Variants in UNC5B observed in about 807,000 individuals in gnomAD.
The protein encoded by UNC5B is netrin receptor UNC5B.
In UNC5B, 56 loss-of-function variants were observed where a neutral mutation model predicts 103.7. That is an observed-to-expected ratio of 0.54 (90% CI 0.44 to 0.67). The LOEUF (loss-of-function observed/expected upper bound fraction) is 0.67, where lower values mean the gene tolerates loss of function less well. Ranked by LOEUF, UNC5B falls within the 30% of genes least tolerant of loss-of-function variation. UNC5B has a pLI of 0.00. For missense variants in UNC5B, 1,194 were observed against 1,284.5 expected (o/e 0.93, Z 1.08); for synonymous variants, 577 against 542.0 (o/e 1.06, Z -0.90).
intron 3 of UNC5B, 107 bp from the exon 4 acceptor site, chr10:71,285,216 CCAT>C (rs1049810356): frequency 1.8e-6 from 2 of 1,133,034 alleles, no homozygotes; most frequent in African/African-American, 1.5e-5. Context: ...CCAGGTGGGC[CCAT>C]CAACAGTACC....
intron 2 of UNC5B, among the ~76,000 whole-genome samples, chr10:71,281,530 TG>T (rs553019153): frequency 5.1e-4 from 78 of 152,220 alleles, no homozygotes; most frequent in African/African-American, 1.7e-3. Context: ...TTAGTAAAGT[TG>T]GGATTTCACC....
chr10:71,249,388 C>T (rs1844122172), intron 1 of UNC5B, among the ~76,000 whole-genome samples: 1 of 152,240 alleles, frequency 6.6e-6, no homozygotes. Flanking sequence ...GCTGCCCCAG[C>T]ACCAGCTTGC....
intron 6 of UNC5B, 73 bp downstream of exon 6, chr10:71,287,838 G>T (rs1030671900): frequency 7.1e-6 from 11 of 1,540,006 alleles, no homozygotes; most frequent in Non-Finnish European, 8.7e-6. Flanking sequence ...CCAGAGCCGG[G>T]ACAGCCATTC....
intron 1 of UNC5B, among the ~76,000 whole-genome samples, chr10:71,243,265 G>A (rs1407698644): frequency 1.3e-5 from 2 of 151,882 alleles, no homozygotes; most frequent in Non-Finnish European, 2.9e-5. Flanking sequence ...AGAGTCTGGG[G>A]GCTGCTTTAG....
chr10:71,289,356 C>A (rs946374526), intron 8 of UNC5B, among the ~76,000 whole-genome samples: 2 of 152,170 alleles, frequency 1.3e-5, no homozygotes, highest in African/African-American at 4.8e-5. Flanking sequence ...ATGCCCTTGG[C>A]CCTCCTCTCT....
chr10:71,273,551 C>T (rs1355681174), intron 1 of UNC5B, among the ~76,000 whole-genome samples: 1 of 152,222 alleles, frequency 6.6e-6, no homozygotes, highest in Non-Finnish European at 1.5e-5. Context: ...GTCATTCCTT[C>T]GCCTCCTGGG....
Position 71,231,157 on chromosome 10 carries a change from C to T in UNC5B, c.79+18093C>T, listed in dbSNP as rs1026720517. Among the ~76,000 whole-genome samples the T allele has an allele frequency of 3.9e-5, 6 of 152,200 alleles. No homozygotes were observed. The East Asian group carries it at 1.2e-3, about 29-fold the overall frequency. ...GCTGTGCATCGTAAAGTCCCCTTAGCCCAGCAGCCTATAGAATTTCCTGAG... is the reference window on the plus strand; with the variant it reads ...GCTGTGCATCGTAAAGTCCCCTTAGTCCAGCAGCCTATAGAATTTCCTGAG... On this transcript the variant is annotated intron_variant, in intron 1 of 16. Transcript: ENST00000335350.
chr10:71,214,583 A>G (rs1843295691), intron 1 of UNC5B, among the ~76,000 whole-genome samples: 1 of 151,850 alleles, frequency 6.6e-6, no homozygotes, highest in Non-Finnish European at 1.5e-5. Context: ...GTTTGAGGAG[A>G]TGATTGAAGG....
chr10:71,299,563 G>A lies in UNC5B; in HGVS notation c.*286G>A, dbSNP rs1255308953. The A allele has an allele frequency of 3.2e-6, 1 of 311,146 alleles. No individual in the cohort carries two copies. The highest frequency in any genetic ancestry group is 5.9e-6 in the Non-Finnish European group (1 of 168,978). The allele number at this position is 311,146 out of a possible 1,614,324, so 19.3% of individuals were successfully genotyped here. A position where few individuals can be genotyped will look rare whatever the true frequency, so the allele number is the denominator to read the frequency against. ...GGGCTGAAGCCTCTGGAGGCAGTTG[G>A]TTGGGGGCGGGCAGGCAGGAGGCCC... On this transcript the variant is annotated 3_prime_UTR_variant, in exon 17 of 17. Coordinates refer to ENST00000335350, the MANE Select transcript of UNC5B (RefSeq NM_170744.5).
chr10:71,235,437 G>T lies in UNC5B; in HGVS notation c.79+22373G>T, dbSNP rs531374464. Reference sequence around the variant, plus strand: ...GACCCACTTCAGCGGGAAGAAGAGGGTATGTGGACTGGAGGTTGTGCCAGC... The same window carrying T: ...GACCCACTTCAGCGGGAAGAAGAGGTTATGTGGACTGGAGGTTGTGCCAGC... On this transcript the variant is annotated intron_variant, in intron 1 of 16. Transcript: ENST00000335350. Among the ~76,000 whole-genome samples the T allele has an allele frequency of 9.8e-5, 15 of 152,378 alleles. No homozygotes were observed. In the South Asian group the frequency reaches 2.3e-3, roughly 23 times the overall value.
intron 13 of UNC5B, among the ~76,000 whole-genome samples, chr10:71,295,188 G>A (rs1845375256): frequency 6.6e-6 from 1 of 152,250 alleles, no homozygotes; most frequent in Admixed American, 6.5e-5. Context: ...GTGGCCCTGT[G>A]ATGGGTGCAA....
At chr10:71,266,218 G>A (rs571239346) in intron 1 of UNC5B, among the ~76,000 whole-genome samples, 1 of 152,144 alleles carries the variant, frequency 6.6e-6, no homozygotes, top group Non-Finnish European at 1.5e-5. Context: ...GAGGCAGGGG[G>A]TGGTTCCCCC....
In UNC5B at chr10:71,301,990, T is replaced by A. The variant is rs1032638622; in HGVS notation, c.*2713T>A. The A allele has an allele frequency of 2.0e-5, 3 of 152,250 alleles. No individual in the cohort carries two copies. Among genetic ancestry groups the A allele is most frequent in the African/African-American group, 7.2e-5 (3 of 41,450 alleles). The allele number at this position is 152,250 out of a possible 1,614,324, so 9.4% of individuals were successfully genotyped here. A position where few individuals can be genotyped will look rare whatever the true frequency, so the allele number is the denominator to read the frequency against. ...CCCAGGTGCCATTTCCAGTCTGACT[T>A]CCAGAAATGTGCACCATGTCCTAGA... is the stretch of plus-strand genomic sequence containing the variant. On this transcript the variant is annotated 3_prime_UTR_variant, in exon 17 of 17. Coordinates refer to ENST00000335350, the MANE Select transcript of UNC5B (RefSeq NM_170744.5).
chr10:71,275,780 G>A (rs567917248), intron 1 of UNC5B, among the ~76,000 whole-genome samples: 1 of 151,968 alleles, frequency 6.6e-6, no homozygotes, highest in Non-Finnish European at 1.5e-5. Context: ...GGAAGCTGTG[G>A]GATATTTTTA....
Position 71,299,138 on chromosome 10 carries a change from C to T in UNC5B, c.2699C>T (p.Ala900Val), listed in dbSNP as rs898708834. Residue 900 changes from alanine to valine, a missense_variant, in exon 17 of 17, where the codon GCG becomes GTG. Coordinates refer to ENST00000335350, the MANE Select transcript of UNC5B (RefSeq NM_170744.5). The part of the protein sequence containing the change: ...DRYLNYFATK[A>V]SPTGVILDLW... Reference sequence around the variant, plus strand: ...TACCTGAATTACTTTGCCACCAAAGCGAGCCCCACGGGTGTGATCCTGGAC... The same window carrying T: ...TACCTGAATTACTTTGCCACCAAAGTGAGCCCCACGGGTGTGATCCTGGAC... The T allele has an allele frequency of 6.2e-6, 10 of 1,614,098 alleles. No individual in the cohort carries two copies. Among genetic ancestry groups the T allele is most frequent in the African/African-American group, 1.3e-5 (1 of 74,946 alleles).
At chr10:71,295,993 C>T in intron 14 of UNC5B, 33 bp downstream of exon 14, 4 of 1,611,994 alleles carry the variant, frequency 2.5e-6, no homozygotes, top group South Asian at 1.1e-5. Flanking sequence ...GGGAGGGGCA[C>T]CACTTAAGGG....
At position 71,284,774 on chromosome 10, in the gene UNC5B, T is replaced by A. The variant is rs1440728325; in HGVS notation, c.359T>A (p.Leu120His). ...IEVSRQQVEE[L>H]FGLEDYWCQC... Reference sequence around the variant, plus strand: ...GTGTCGCGGCAGCAGGTGGAGGAGCTCTTTGGGCTGGAGGATTACTGGTGC... The same window carrying A: ...GTGTCGCGGCAGCAGGTGGAGGAGCACTTTGGGCTGGAGGATTACTGGTGC... The change falls in exon 3 of 17, where the codon CTC becomes CAC. Residue 120 changes from leucine to histidine, a missense_variant. Physicochemically the swap from Leu to His is moderately conservative, Grantham distance 99. Transcript: ENST00000335350. The A allele has an allele frequency of 8.7e-6, 14 of 1,612,634 alleles. No individual in the cohort carries two copies. The highest frequency in any genetic ancestry group is 1.0e-5 in the Non-Finnish European group (12 of 1,179,612).
intron 1 of UNC5B, among the ~76,000 whole-genome samples, chr10:71,262,168 G>C (rs1056498468): frequency 6.6e-6 from 1 of 152,174 alleles, no homozygotes. Flanking sequence ...GCAGGAGGGA[G>C]TCTGGCTGCA....
At position 71,287,627 on chromosome 10, in the gene UNC5B, T is replaced by G. The variant is rs759963596; in HGVS notation, c.763T>G (p.Trp255Gly). The G allele has an allele frequency of 4.3e-5, 69 of 1,606,648 alleles. No individual in the cohort carries two copies. The highest frequency in any genetic ancestry group is 5.8e-5 in the Non-Finnish European group (68 of 1,177,040). Residue 255 changes from tryptophan to glycine, a missense_variant, in exon 6 of 17, where the codon TGG (tryptophan) becomes GGG (glycine). By Grantham distance (184) the Trp-to-Gly change is radical (BLOSUM62 -2). Coordinates refer to ENST00000335350, the MANE Select transcript of UNC5B (RefSeq NM_170744.5). ...TGGCGGCTGGTCCAGCTGGGCAGAG[T>G]GGTCACCCTGCTCCAACCGCTGTGG... is the stretch of plus-strand genomic sequence containing the variant. ...VNGGWSSWAE[W>G]SPCSNRCGRG...
Sources: gnomAD v4.1 joint callset for allele counts (sites outside exome capture counted in the v4.1 genomes callset) on GRCh38, gnomAD v4.1.1 for gene constraint, MANE v1.5 for transcripts, NCBI Gene and HGNC (gene_info 2026-07-23, HGNC 2026-07-21) for gene names.